The following MSH5 variants were observed in gnomAD, a reference collection of about 807,000 sequenced individuals.
MSH5 encodes the protein mutS protein homolog 5.
In MSH5, 78 loss-of-function variants were observed where a neutral mutation model predicts 107.7. The ratio of observed to expected loss-of-function variants is 0.72; its 90% CI spans 0.60 to 0.87. The LOEUF (loss-of-function observed/expected upper bound fraction) is 0.87, where lower values mean the gene tolerates loss of function less well. Among genes scored for constraint, MSH5 ranks in the 40% least tolerant of loss-of-function variants. MSH5 has a pLI of 0.00. For synonymous variants in MSH5, 326 were observed against 399.5 expected, an observed-to-expected ratio of 0.82 and a Z score of 2.19; for missense variants, 889 against 1,046.6, an observed-to-expected ratio of 0.85 and a Z score of 2.08.
intron 23 of MSH5, 61 bp from the exon 24 acceptor site, chr6:31,762,051 C>T (rs1302990015): frequency 1.2e-6 from 2 of 1,612,468 alleles, no homozygotes; most frequent in African/African-American, 1.3e-5. Flanking sequence ...GATTTCTGAC[C>T]CTTATTTCCC....
chr6:31,753,183 G>A (rs1393016306), intron 10 of MSH5, 118 bp from the exon 11 acceptor site: 1 of 1,270,332 alleles, frequency 7.9e-7, no homozygotes, highest in Non-Finnish European at 1.1e-6. Context: ...CATTCCCATA[G>A]CACATCGTGG....
chr6:31,761,600 C>T lies in MSH5; in HGVS notation c.2166C>T (p.Pro722=). ...LVQLQLLPQG[P]LVQYLTMETC... The stretch of plus-strand genomic sequence containing the variant: ...AGCTACAACTGCTGCCACAAGGGCC[C>T]CTGGTGCAGTATTTGGTGAGGAGAC... Residue 722 remains proline, a synonymous_variant, in exon 22 of 25, where the codon CCC becomes CCT. Coordinates refer to ENST00000375750, the MANE Select transcript of MSH5 (RefSeq NM_172166.4). The surrounding 1 kb of genome is among the most constrained non-coding windows in gnomAD (Gnocchi z 5.3). 2.0e-5 allele frequency: 33 copies of T among 1,614,138 alleles called. No homozygotes were observed. Among genetic ancestry groups the T allele is most frequent in the Non-Finnish European group, 2.7e-5 (32 of 1,180,028 alleles).
At chr6:31,753,653 CA>C in intron 12 of MSH5, 24 bp downstream of exon 12, 2 of 1,612,654 alleles carry the variant, frequency 1.2e-6, no homozygotes, top group Non-Finnish European at 1.7e-6. Flanking sequence ...TCTTGAATCC[CA>C]AAAGTCCAGG....
intron 12 of MSH5, among the ~76,000 whole-genome samples, chr6:31,755,996 A>G (rs1264475747): frequency 6.8e-6 from 1 of 147,884 alleles, no homozygotes; most frequent in African/African-American, 2.5e-5. Context: ...TCTCTCTTCT[A>G]TAGTTTCTGT....
chr6:31,757,364 T>G (rs946345395), intron 12 of MSH5: 3 of 152,156 alleles, frequency 2.0e-5, no homozygotes, highest in African/African-American at 7.2e-5. Context: ...CAGGATGGTC[T>G]CAATCTCCTG....
At chr6:31,743,442 T>C (rs1165480601) in intron 5 of MSH5, 1 of 536,722 alleles carries the variant, frequency 1.9e-6, no homozygotes, top group African/African-American at 1.9e-5. Context: ...GTTTTATTGT[T>C]GGAATTCTCC....
In MSH5 at chr6:31,759,365, T is replaced by C. The variant is rs773977151; in HGVS notation, c.1408-60T>C. On this transcript the variant is annotated intron_variant, in intron 16 of 24. Coordinates refer to ENST00000375750, the MANE Select transcript of MSH5 (RefSeq NM_172166.4). The surrounding 1 kb of genome is among the most constrained non-coding windows in gnomAD (Gnocchi z 4.7). ...GGGGCTGGAGGTGGGGTTAGAAAGATGGGGAAGGAGAGGAGGACCAAGAGA... is the reference window on the plus strand; with the variant it reads ...GGGGCTGGAGGTGGGGTTAGAAAGACGGGGAAGGAGAGGAGGACCAAGAGA... The C allele has an allele frequency of 6.4e-7, 1 of 1,557,494 alleles. No individual in the cohort carries two copies. Among genetic ancestry groups the C allele is most frequent in the Non-Finnish European group, 8.8e-7 (1 of 1,131,452 alleles).
chr6:31,741,956 C>G (rs557603749), intron 3 of MSH5, among the ~76,000 whole-genome samples: 15 of 152,070 alleles, frequency 9.9e-5, no homozygotes, highest in Non-Finnish European at 2.2e-4. Context: ...ACAACCAGCT[C>G]TCTCAGGAAC....
chr6:31,754,021 C>T (rs1281482804), intron 12 of MSH5: 3 of 174,494 alleles, frequency 1.7e-5, no homozygotes, highest in Non-Finnish European at 2.5e-5. Flanking sequence ...CCACCAGGCC[C>T]GGCCTCCCTC....
rs958138671 is a variant in MSH5, at chr6:31,759,997, G to A, written c.1685+22G>A. ...GCAGGTAAGAATAGAGGCGGGTGGA[G>A]GAATAGACATGAGGGGCCCAAAGGC... On this transcript the variant is annotated intron_variant, in intron 18 of 24. Transcript: ENST00000375750. The surrounding 1 kb of genome is among the most constrained non-coding windows in gnomAD (Gnocchi z 4.7). The A allele has an allele frequency of 6.2e-7, 1 of 1,613,430 alleles. No homozygotes were observed.
rs3117575 is a variant in MSH5, at chr6:31,758,476, T to C, written c.1144-72T>C. The C allele has an allele frequency of 0.1, 158,830 of 1,586,196 alleles. 10,055 individuals are homozygous for C. The highest frequency in any genetic ancestry group is 0.12 in the Non-Finnish European group (141,415 of 1,156,896). On this transcript the variant is annotated intron_variant, in intron 13 of 24. Coordinates refer to ENST00000375750, the MANE Select transcript of MSH5 (RefSeq NM_172166.4). The surrounding 1 kb of genome is among the most constrained non-coding windows in gnomAD (Gnocchi z 5.1). Reference sequence around the variant, plus strand: ...AGTTAAAGGAGGACTGCAGGGAGAATTGGGGCCCAAGGAGAGCTGAGGAAC... The same window carrying C: ...AGTTAAAGGAGGACTGCAGGGAGAACTGGGGCCCAAGGAGAGCTGAGGAAC...
chr6:31,753,733 CTTTTTTTTT>C, intron 12 of MSH5, 104 bp downstream of exon 12: 1 of 859,514 alleles, frequency 1.2e-6, no homozygotes, highest in Non-Finnish European at 1.8e-6. Context: ...ATTCTACCCT[CTTTTTTTTT>C]TTTTTGGAGA....
Position 31,758,947 on chromosome 6 carries a change from T to G in MSH5, c.1326+72T>G. The G allele has an allele frequency of 1.4e-6, 2 of 1,468,854 alleles. No individual in the cohort carries two copies. Among genetic ancestry groups the G allele is most frequent in the Non-Finnish European group, 1.9e-6 (2 of 1,049,960 alleles). The allele number at this position is 1,468,854 out of a possible 1,614,324, so 91.0% of individuals were successfully genotyped here. A position where few individuals can be genotyped will look rare whatever the true frequency, so the allele number is the denominator to read the frequency against. ...GATATTAGGCTTATGAAAGACATAC[T>G]GGTAGATAAGAAAACTTGTGGGGCA... On this transcript the variant is annotated intron_variant, in intron 15 of 24. Transcript: ENST00000375750. This position sits in a 1 kb window ranked among gnomAD's most constrained non-coding sequence, Gnocchi z 5.1.
intron 9 of MSH5, 51 bp downstream of exon 9, chr6:31,745,370 C>A: frequency 7.8e-7 from 1 of 1,279,496 alleles, no homozygotes; most frequent in Non-Finnish European, 1.1e-6. Context: ...ACCAGAAAAG[C>A]AATTGGCTCC....
intron 3 of MSH5, among the ~76,000 whole-genome samples, chr6:31,741,866 T>C (rs1054106299): frequency 1.3e-5 from 2 of 152,006 alleles, no homozygotes; most frequent in Non-Finnish European, 1.5e-5. Flanking sequence ...CTTCAACTCA[T>C]GGAAGAAGGG....
chr6:31,761,535 C>A lies in MSH5; in HGVS notation c.2101C>A (p.Pro701Thr). 1 of 1,613,908 alleles carries A rather than the reference C, an allele frequency of 6.2e-7. No homozygotes were observed. Among genetic ancestry groups the A allele is most frequent in the Non-Finnish European group, 8.5e-7 (1 of 1,180,050 alleles). ...RHWLARGPTC[P>T]HIFVATNFLS... ...CTGGCTGGCACGTGGACCCACATGC[C>A]CCCACATCTTTGTGGCCACCAACTT... Residue 701 changes from proline to threonine, a missense_variant, in exon 22 of 25, where the codon CCC becomes ACC. Physicochemically the swap from Pro to Thr is conservative, Grantham distance 38. Coordinates refer to ENST00000375750, the MANE Select transcript of MSH5 (RefSeq NM_172166.4). The surrounding 1 kb of genome is among the most constrained non-coding windows in gnomAD (Gnocchi z 5.3).
intron 9 of MSH5, among the ~76,000 whole-genome samples, chr6:31,746,749 C>G (rs1480397258): frequency 6.6e-6 from 1 of 152,094 alleles, no homozygotes; most frequent in East Asian, 1.9e-4. Flanking sequence ...CCCTGCCCGG[C>G]CAGCTATTGA....
intron 12 of MSH5, among the ~76,000 whole-genome samples, chr6:31,755,128 G>A (rs919815484): frequency 4.0e-5 from 6 of 151,866 alleles, no homozygotes; most frequent in South Asian, 4.1e-4. Context: ...TTTAAAAATT[G>A]TATTATTTGG....
In MSH5 at chr6:31,741,208, T is replaced by C; in HGVS notation, c.193T>C (p.Tyr65His). ...GAATTCAGGATACTTGGGCATTGCC[T>C]ACTATGATACTAGTGACTCCACTAT... ...LWNSGYLGIA[Y>H]YDTSDSTIHF... The change falls in exon 3 of 25, where the codon TAC becomes CAC. Residue 65 changes from tyrosine to histidine, a missense_variant. Tyr to His is a moderately conservative substitution (Grantham distance 83, BLOSUM62 2). Around this residue, in one of 3 missense-constraint regions of MSH5, gnomAD observed 518 missense variants for 565.0 expected, o/e 0.92. Transcript: ENST00000375750. 1.2e-6 allele frequency: 2 copies of C among 1,612,994 alleles called. No individual in the cohort carries two copies. Among genetic ancestry groups the C allele is most frequent in the Non-Finnish European group, 1.7e-6 (2 of 1,179,996 alleles).
Sources: gnomAD v4.1 joint callset for allele counts (sites outside exome capture counted in the v4.1 genomes callset) on GRCh38, gnomAD v4.1.1 for gene constraint, gnomAD v4.1.1 regional missense constraint, Gnocchi (gnomAD v3.1) non-coding constraint, MANE v1.5 for transcripts, NCBI Gene and HGNC (gene_info 2026-07-23, HGNC 2026-07-21) for gene names.